THRB: variants seen among roughly 807,000 people sequenced by gnomAD.
THRB encodes the protein thyroid hormone receptor beta, also known as nuclear receptor subfamily 1 group A member 2.
A neutral mutation model predicts 47.8 loss-of-function variants in THRB; 12 were observed. The ratio of observed to expected loss-of-function variants is 0.25; its 90% CI spans 0.16 to 0.41. THRB has a LOEUF of 0.41. Ranked by LOEUF, THRB falls within the 10% of genes least tolerant of loss-of-function variation. The probability of loss-of-function intolerance (pLI) is 1.00; values close to 1 mark genes in which losing one functional copy is unlikely to be tolerated. For missense variants in THRB, 348 were observed against 589.2 expected (o/e 0.59, Z 4.24); for synonymous variants, 218 against 212.2 (o/e 1.03, Z -0.24).
chr3:24,186,293 C>T (rs926385985), intron 5 of THRB, among the ~76,000 whole-genome samples: 1 of 152,130 alleles, frequency 6.6e-6, no homozygotes, highest in Admixed American at 6.5e-5. Context: ...ATTGGTACTA[C>T]CACACTTTCA....
intron 3 of THRB, among the ~76,000 whole-genome samples, chr3:24,229,816 T>A (rs2048067223): frequency 6.6e-6 from 1 of 152,134 alleles, no homozygotes; most frequent in Non-Finnish European, 1.5e-5. Flanking sequence ...TGGCCAGTGG[T>A]AGATGGTGGT....
intron 1 of THRB, among the ~76,000 whole-genome samples, chr3:24,417,730 C>A (rs1021498622): frequency 1.3e-5 from 2 of 151,900 alleles, no homozygotes; most frequent in Non-Finnish European, 2.9e-5. Context: ...GCTTTGACTT[C>A]TCTCCCACAA....
At chr3:24,254,200 A>T (rs1401586681) in intron 3 of THRB, among the ~76,000 whole-genome samples, 5 of 5,474 alleles carry the variant, frequency 9.1e-4, no homozygotes, top group East Asian at 9.9e-3. Flanking sequence ...TGTCTCTACT[A>T]AAAAAAAAAA....
chr3:24,347,895 T>C lies in THRB; in HGVS notation c.-260-10524A>G, dbSNP rs895079406. Among the ~76,000 whole-genome samples, 6 of 152,080 alleles carry C rather than the reference T, an allele frequency of 3.9e-5. No individual in the cohort carries two copies. The East Asian group carries it at 1.2e-3, about 29-fold the overall frequency. On this transcript the variant is annotated intron_variant, in intron 1 of 10. Coordinates refer to ENST00000646209, the MANE Select transcript of THRB (RefSeq NM_001354712.2). The stretch of plus-strand genomic sequence containing the variant: ...CTGGAGAGTGAGTTCTACTAAATAC[T>C]TAAAGGAAAAACCACACCAATTTTA...
intron 1 of THRB, among the ~76,000 whole-genome samples, chr3:24,366,179 A>G (rs1337906613): frequency 2.6e-5 from 4 of 152,200 alleles, no homozygotes; most frequent in African/African-American, 9.6e-5. Flanking sequence ...TTTTGGCAGT[A>G]GAGTATACAC....
chr3:24,195,887 TTCTC>T (rs72135516), intron 4 of THRB, among the ~76,000 whole-genome samples: 2,379 of 152,342 alleles, frequency 0.016, 50 homozygotes, highest in African/African-American at 0.046. Context: ...TCCAACCATT[TTCTC>T]TCTATCATCT....
intron 9 of THRB, among the ~76,000 whole-genome samples, chr3:24,129,494 T>A (rs2033472308): frequency 6.6e-6 from 1 of 152,252 alleles, no homozygotes; most frequent in African/African-American, 2.4e-5. Flanking sequence ...TTTTCCAAAT[T>A]TCTAGTTTAA....
chr3:24,244,511 G>T (rs1221918341), intron 3 of THRB, among the ~76,000 whole-genome samples: 1 of 152,136 alleles, frequency 6.6e-6, no homozygotes, highest in Non-Finnish European at 1.5e-5. Flanking sequence ...AATTTATTTG[G>T]ATTAAATGGC....
At position 24,469,253 on chromosome 3, in the gene THRB, C is replaced by A. The variant is rs529798072; in HGVS notation, c.-261+25399G>T. On this transcript the variant is annotated intron_variant, in intron 1 of 10. Coordinates refer to ENST00000646209, the MANE Select transcript of THRB (RefSeq NM_001354712.2). ...ATTTCACTCCAGAACCAGCTGGATC[C>A]GTCTTGGATTTCTGGGCTCATAGCA... Among the ~76,000 whole-genome samples, 113 of 152,304 alleles carry A rather than the reference C, an allele frequency of 7.4e-4. 1 individual carries two copies. Among genetic ancestry groups the A allele is most frequent in the African/African-American group, 2.6e-3 (110 of 41,568 alleles).
intron 1 of THRB, among the ~76,000 whole-genome samples, chr3:24,373,822 A>G (rs1429911906): frequency 6.6e-6 from 1 of 152,148 alleles, no homozygotes; most frequent in African/African-American, 2.4e-5. Context: ...GTCTTGGCCA[A>G]TACCAGTGGC....
chr3:24,280,466 G>A (rs2054443760), intron 3 of THRB, among the ~76,000 whole-genome samples: 1 of 151,916 alleles, frequency 6.6e-6, no homozygotes, highest in Non-Finnish European at 1.5e-5. Flanking sequence ...CCAAAAGTAG[G>A]TAAAACCACA....
At chr3:24,441,088 T>C (rs922690856) in intron 1 of THRB, among the ~76,000 whole-genome samples, 2 of 152,132 alleles carry the variant, frequency 1.3e-5, no homozygotes, top group African/African-American at 4.8e-5. Context: ...AGGAAAAAGA[T>C]CCCTACTTTT....
intron 3 of THRB, among the ~76,000 whole-genome samples, chr3:24,260,220 G>GT (rs1559759400): frequency 2.0e-5 from 3 of 152,194 alleles, no homozygotes; most frequent in African/African-American, 4.8e-5. Context: ...ATGAAGAAAT[G>GT]TTTTTTTCTG....
At chr3:24,245,879 C>T (rs748353707) in intron 3 of THRB, among the ~76,000 whole-genome samples, 30 of 152,184 alleles carry the variant, frequency 2.0e-4, no homozygotes, top group Admixed American at 2.6e-4. Context: ...TGGCATTGCA[C>T]TCTAGCCTGG....
At chr3:24,189,519 T>TG (rs1489176094) in intron 5 of THRB, among the ~76,000 whole-genome samples, 1 of 141,176 alleles carries the variant, frequency 7.1e-6, no homozygotes, top group Non-Finnish European at 1.6e-5. Flanking sequence ...GCCAGTTTAA[T>TG]GTTTTTTTTG....
intron 1 of THRB, among the ~76,000 whole-genome samples, chr3:24,422,868 C>T (rs1020668420): frequency 6.6e-6 from 1 of 151,894 alleles, no homozygotes; most frequent in African/African-American, 2.4e-5. Flanking sequence ...TCTATTTCTC[C>T]TCCCTTTTAA....
chr3:24,190,117 G>A lies in THRB; in HGVS notation c.240C>T (p.Val80=). ...CCGTTTGGAAGGTCTGGGCACTTGA[G>A]ACACTCTGGTCGTTCACATCATCAT... ...LDHDDVNDQS[V]SSAQTFQTEE... is the part of the protein sequence containing the mutation. The change falls in exon 5 of 11, where the codon GTC becomes GTT. Residue 80 remains valine (V), a synonymous_variant. Transcript: ENST00000646209. 6.2e-7 allele frequency: 1 copy of A among 1,614,074 alleles called. No homozygotes were observed. The highest frequency in any genetic ancestry group is 8.5e-7 in the Non-Finnish European group (1 of 1,179,948).
intron 4 of THRB, among the ~76,000 whole-genome samples, chr3:24,198,371 T>C (rs1167269350): frequency 6.6e-6 from 1 of 151,442 alleles, no homozygotes; most frequent in African/African-American, 2.4e-5. Context: ...ACAATGTTGA[T>C]GTGAAGAATA....
intron 1 of THRB, among the ~76,000 whole-genome samples, chr3:24,369,491 A>G (rs1275747796): frequency 6.6e-6 from 1 of 152,190 alleles, no homozygotes. Context: ...GAATGATTAT[A>G]GAAAGAAAAC....
Sources: gnomAD v4.1 joint callset for allele counts (sites outside exome capture counted in the v4.1 genomes callset) on GRCh38, gnomAD v4.1.1 for gene constraint, MANE v1.5 for transcripts, NCBI Gene and HGNC (gene_info 2026-07-23, HGNC 2026-07-21) for gene names.